The following ADGRG4 variants were observed in gnomAD, a reference collection of about 807,000 sequenced individuals.
ADGRG4 encodes G protein-coupled receptor 112.
ADGRG4 carries 122 observed loss-of-function variants against 126.2 expected under a neutral mutation model. That is an observed-to-expected ratio of 0.97 (90% CI 0.83 to 1.12). The LOEUF is 1.12. Among genes scored for constraint, ADGRG4 ranks in the 50% most tolerant of loss-of-function variants. The probability of loss-of-function intolerance (pLI) is 0.00; values close to 1 mark genes in which losing one functional copy is unlikely to be tolerated. For synonymous variants in ADGRG4, 943 were observed against 838.7 expected, an observed-to-expected ratio of 1.12 and a Z score of -2.15; for missense variants, 2,481 against 2,251.8, an observed-to-expected ratio of 1.10 and a Z score of -2.06.
At chrX:136,383,933 C>T (rs992998460) in intron 15 of ADGRG4, among the ~76,000 whole-genome samples, 1 of 67,938 alleles carries the variant, frequency 1.5e-5, no homozygotes, top group Non-Finnish European at 3.2e-5. Flanking sequence ...CCTCTGTCAC[C>T]GAGGTTGGAG....
At chrX:136,301,185 C>T (rs1414026582) in intron 1 of ADGRG4, among the ~76,000 whole-genome samples, 185 bp downstream of exon 1, 4 of 111,769 alleles carry the variant, frequency 3.6e-5, no homozygotes, top group African/African-American at 9.8e-5. Flanking sequence ...ATGGTTTAAC[C>T]AGTTTACAGT....
intron 15 of ADGRG4, among the ~76,000 whole-genome samples, chrX:136,383,600 A>T (rs1029967580): frequency 7.2e-5 from 8 of 111,537 alleles, no homozygotes; most frequent in African/African-American, 2.6e-4. Context: ...CCATCCTGAT[A>T]ATATCTGACT....
At position 136,371,351 on chromosome X, in the gene ADGRG4, C is replaced by T. The variant is rs201737445; in HGVS notation, c.7420C>T (p.His2474Tyr). 67 of 1,189,537 alleles carry T rather than the reference C, an allele frequency of 5.6e-5. No individual in the cohort carries two copies. The Admixed American group carries it at 1.1e-3, about 20-fold the overall frequency. Residue 2474 changes from histidine (H) to tyrosine (Y), a missense_variant, in exon 14 of 26, where the codon CAT becomes TAT. Coordinates refer to ENST00000394143, the MANE Select transcript of ADGRG4 (RefSeq NM_153834.4). ...SDENAEDVAE[H>Y]ILNLINESPA... ...AGAGAATGCTGAGGATGTTGCAGAG[C>T]ATATTTTAAATTTGATAAATGAATC... is the stretch of plus-strand genomic sequence containing the variant.
chrX:136,363,207 A>G (rs2075138676), intron 12 of ADGRG4, among the ~76,000 whole-genome samples: 2 of 111,754 alleles, frequency 1.8e-5, no homozygotes, highest in Non-Finnish European at 3.8e-5. Flanking sequence ...ATGCTTGGTC[A>G]GTAGGACATT....
intron 25 of ADGRG4, 119 bp downstream of exon 25, chrX:136,414,446 T>C (rs1420339652): frequency 3.5e-6 from 2 of 563,592 alleles, no homozygotes; most frequent in African/African-American, 4.6e-5. Flanking sequence ...CATGTGCATG[T>C]GTATACCTCG....
chrX:136,370,422 G>A (rs767998489), intron 13 of ADGRG4, among the ~76,000 whole-genome samples: 2 of 112,181 alleles, frequency 1.8e-5, no homozygotes. Flanking sequence ...CACTTTAAAA[G>A]TGAGTCATGA....
At chrX:136,403,131 G>T in intron 21 of ADGRG4, 113 bp from the exon 22 acceptor site, 1 of 536,752 alleles carries the variant, frequency 1.9e-6, no homozygotes, top group Non-Finnish European at 3.2e-6. Flanking sequence ...TTTGATGCCC[G>T]CACATCTGTG....
chrX:136,378,556 T>C (rs1484662023), intron 15 of ADGRG4, among the ~76,000 whole-genome samples: 1 of 111,706 alleles, frequency 9.0e-6, no homozygotes, highest in Admixed American at 9.5e-5. Context: ...GGCATCCTTG[T>C]CTTATTTTTA....
At position 136,323,313 on chromosome X, in the gene ADGRG4, T is replaced by C; in HGVS notation, c.606T>C (p.Asp202=). 1 of 1,210,374 alleles carries C rather than the reference T, an allele frequency of 8.3e-7. No individual in the cohort carries two copies. The highest frequency in any genetic ancestry group is 1.8e-5 in the South Asian group (1 of 56,876). ...ACGAAGAGTTTATGAAGTGTTTAGA[T>C]GGAAATATAGTTAGTTGGGAAGAAG... The part of the protein sequence containing the change: ...LENEEFMKCL[D]GNIVSWEEDV... Residue 202 remains aspartate (D), a synonymous_variant, in exon 5 of 26, where the codon GAT becomes GAC. Coordinates refer to ENST00000394143, the MANE Select transcript of ADGRG4 (RefSeq NM_153834.4).
At chrX:136,397,491 C>CTTTTTTTT (rs1184936316) in intron 19 of ADGRG4, among the ~76,000 whole-genome samples, 470 of 50,363 alleles carry the variant, frequency 9.3e-3, no homozygotes, top group Middle Eastern at 0.024. Context: ...AGGAAAAGGA[C>CTTTTTTTT]TTTTTTTTTT....
intron 23 of ADGRG4, among the ~76,000 whole-genome samples, chrX:136,408,848 G>T (rs911581356): frequency 1.8e-5 from 2 of 111,305 alleles, no homozygotes; most frequent in Non-Finnish European, 1.9e-5. Flanking sequence ...GTATATAAGT[G>T]TTCTAATTGG....
Position 136,345,739 on chromosome X carries a change from C to T in ADGRG4, c.2033C>T (p.Pro678Leu). The change falls in exon 6 of 26, where the codon CCT (proline) becomes CTT (leucine). Residue 678 changes from proline (P) to leucine (L), a missense_variant. Transcript: ENST00000394143. ...ACAACCACCATACTCACATTTGTGCCTAATGAAAATTTTACATCAGCATTT... is the reference window on the plus strand; with the variant it reads ...ACAACCACCATACTCACATTTGTGCTTAATGAAAATTTTACATCAGCATTT... Reference protein sequence around the residue: ...MNTTTILTFVPNENFTSAFHE... With the variant: ...MNTTTILTFVLNENFTSAFHE... The T allele has an allele frequency of 8.3e-7, 1 of 1,211,359 alleles. No individual in the cohort carries two copies. Among genetic ancestry groups the T allele is most frequent in the African/African-American group, 1.7e-5 (1 of 57,813 alleles).
intron 5 of ADGRG4, among the ~76,000 whole-genome samples, chrX:136,342,387 C>T (rs1432239178): frequency 1.8e-5 from 2 of 111,894 alleles, no homozygotes; most frequent in Non-Finnish European, 3.8e-5. Context: ...ACTAAAGATA[C>T]AATGGTGGGC....
intron 13 of ADGRG4, among the ~76,000 whole-genome samples, chrX:136,366,573 T>G (rs955082475): frequency 2.7e-5 from 3 of 112,263 alleles, no homozygotes; most frequent in African/African-American, 6.5e-5. Context: ...GTTGTTGGAT[T>G]GTGTGATAAG....
intron 13 of ADGRG4, among the ~76,000 whole-genome samples, chrX:136,365,695 T>A (rs765585884): frequency 8.9e-6 from 1 of 111,980 alleles, no homozygotes; most frequent in Non-Finnish European, 1.9e-5. Flanking sequence ...CAACTCTGTA[T>A]GAAGGTTCCA....
chrX:136,364,546 G>A (rs187031901), intron 13 of ADGRG4, among the ~76,000 whole-genome samples: 12 of 111,746 alleles, frequency 1.1e-4, no homozygotes, highest in Non-Finnish European at 2.1e-4. Flanking sequence ...TTATGGATGA[G>A]TATTTAGGTT....
Position 136,414,179 on chromosome X carries a change from G to A in ADGRG4, c.9057G>A (p.Gln3019=). The A allele has an allele frequency of 5.8e-6, 7 of 1,199,832 alleles. No homozygotes were observed. Among genetic ancestry groups the A allele is most frequent in the South Asian group, 1.8e-5 (1 of 54,162 alleles). Residue 3019 remains glutamine (Q), a synonymous_variant, in exon 25 of 26, where the codon CAG becomes CAA. Transcript: ENST00000394143. ...TTTCAGATGGGAGCAGCCGGTGTCA[G>A]ATAAAGGTTGGATATAAACAGGAGG... ...DNSSDGSSRC[Q]IKVGYKQEGL...
intron 21 of ADGRG4, among the ~76,000 whole-genome samples, chrX:136,401,208 G>T (rs1397552142): frequency 8.9e-6 from 1 of 111,751 alleles, no homozygotes; most frequent in Non-Finnish European, 1.9e-5. Flanking sequence ...GAAGCACAGA[G>T]ACAAAAGCAG....
At chrX:136,398,267 T>C (rs1034993099) in intron 20 of ADGRG4, among the ~76,000 whole-genome samples, 1 of 112,131 alleles carries the variant, frequency 8.9e-6, no homozygotes, top group African/African-American at 3.2e-5. Context: ...TTTGATAAAG[T>C]GGACTTTATT....
Sources: gnomAD v4.1 joint callset for allele counts (sites outside exome capture counted in the v4.1 genomes callset) on GRCh38, gnomAD v4.1.1 for gene constraint, MANE v1.5 for transcripts, NCBI Gene and HGNC (gene_info 2026-07-23, HGNC 2026-07-21) for gene names.